The following TNN variants were observed in gnomAD, a reference collection of about 807,000 sequenced individuals.
The protein encoded by TNN is tenascin-N.
Under a neutral mutation model 134.4 loss-of-function variants are expected in TNN, and 122 were observed. The observed-to-expected ratio is 0.91, with a 90% CI of 0.78 to 1.06. The LOEUF (loss-of-function observed/expected upper bound fraction) is 1.06, where lower values mean the gene tolerates loss of function less well. TNN is among the 50% of genes least tolerant of loss of function. TNN has a pLI of 0.00. For missense variants in TNN, 1,739 were observed against 1,699.4 expected (o/e 1.02, Z -0.41); for synonymous variants, 710 against 670.3 (o/e 1.06, Z -0.91).
In TNN at chr1:175,098,554, G is replaced by T; in HGVS notation, c.2078G>T (p.Gly693Val). 1 of 1,614,162 alleles carries T rather than the reference G, an allele frequency of 6.2e-7. No individual in the cohort carries two copies. Among genetic ancestry groups the T allele is most frequent in the South Asian group, 1.1e-5 (1 of 91,072 alleles). The change falls in exon 9 of 19, where the codon GGG becomes GTG. Residue 693 changes from glycine (G) to valine (V), a missense_variant. Transcript: ENST00000239462. ...ATGGTGCACGTGTGGGCCCAGAAGGGGGACCAGGAGAGCAAGAAGGCCGAC... is the reference window on the plus strand; with the variant it reads ...ATGGTGCACGTGTGGGCCCAGAAGGTGGACCAGGAGAGCAAGAAGGCCGAC... ...EYMVHVWAQK[G>V]DQESKKADTK... is the part of the protein sequence containing the mutation.
Position 175,125,676 on chromosome 1 carries a change from TC to T in TNN, c.2915-1276del, listed in dbSNP as rs1478824276. ...TTCCTTCCTTCCTTCTCTCCCTCCC[TC>T]CCTCCTTTCTTTCTCTCTTTTTTCT... On this transcript the variant is annotated intron_variant, in intron 12 of 18. Coordinates refer to ENST00000239462, the MANE Select transcript of TNN (RefSeq NM_022093.2). Among the ~76,000 whole-genome samples the T allele has an allele frequency of 2.5e-4, 28 of 110,980 alleles. No homozygotes were observed. The East Asian group carries it at 2.8e-3, about 11-fold the overall frequency. The allele number at this position is 110,980 out of a possible 152,430, so 72.8% of individuals were successfully genotyped here.
intron 9 of TNN, among the ~76,000 whole-genome samples, chr1:175,099,668 G>A (rs575941359): frequency 3.3e-5 from 5 of 151,768 alleles, no homozygotes; most frequent in African/African-American, 1.2e-4. Context: ...AGGAGGAAGC[G>A]AAGTGAAGGG....
intron 5 of TNN, among the ~76,000 whole-genome samples, chr1:175,084,747 T>C (rs1029367555): frequency 1.3e-5 from 2 of 152,224 alleles, no homozygotes; most frequent in African/African-American, 4.8e-5. Flanking sequence ...CACAAGCTTC[T>C]GTTTGTCTGC....
intron 6 of TNN, among the ~76,000 whole-genome samples, chr1:175,087,902 A>T (rs1252397614): frequency 2.0e-5 from 3 of 152,186 alleles, no homozygotes; most frequent in African/African-American, 4.8e-5. Context: ...GAACGCAGGG[A>T]AACACTTTAC....
chr1:175,094,325 C>A, intron 7 of TNN, 72 bp downstream of exon 7: 1 of 1,412,446 alleles, frequency 7.1e-7, no homozygotes, highest in South Asian at 1.7e-5. Flanking sequence ...ATCAGGAGGT[C>A]ATTGCTCACC....
chr1:175,116,337 T>C (rs1675165366), intron 9 of TNN, among the ~76,000 whole-genome samples: 1 of 152,216 alleles, frequency 6.6e-6, no homozygotes, highest in Non-Finnish European at 1.5e-5. Context: ...ACTTTAACAT[T>C]TTCAAAGCCC....
At chr1:175,086,509 T>C (rs1170489666) in intron 6 of TNN, among the ~76,000 whole-genome samples, 1 of 152,216 alleles carries the variant, frequency 6.6e-6, no homozygotes, top group Admixed American at 6.5e-5. Flanking sequence ...TAGAACATAG[T>C]GCCATTCGGG....
chr1:175,118,572 C>A lies in TNN; in HGVS notation c.2398C>A (p.Pro800Thr). The A allele has an allele frequency of 6.2e-7, 1 of 1,613,778 alleles. No individual in the cohort carries two copies. Among genetic ancestry groups the A allele is most frequent in the Non-Finnish European group, 8.5e-7 (1 of 1,179,880 alleles). The change falls in exon 11 of 19, where the codon CCC becomes ACC. Residue 800 changes from proline (P) to threonine (T), a missense_variant. By Grantham distance (38) the Pro-to-Thr change is conservative. Transcript: ENST00000239462. Reference protein sequence around the residue: ...DTKAQTDIDSPQNLVTDWVTE... With the variant: ...DTKAQTDIDSTQNLVTDWVTE... ...ATTTTTTTTTTCAGACATTGACAGC[C>A]CCCAAAACCTGGTCACTGACTGGGT...
intron 6 of TNN, among the ~76,000 whole-genome samples, chr1:175,093,141 C>T (rs1447175392): frequency 6.6e-6 from 1 of 152,244 alleles, no homozygotes; most frequent in African/African-American, 2.4e-5. Flanking sequence ...CATCCATAGT[C>T]CACTGTCCCT....
chr1:175,104,665 G>A (rs1349562868), intron 9 of TNN, among the ~76,000 whole-genome samples: 1 of 145,312 alleles, frequency 6.9e-6, no homozygotes, highest in African/African-American at 2.5e-5. Flanking sequence ...AGAACACCAA[G>A]GTTGCCAGGT....
At chr1:175,099,465 T>G (rs1674661447) in intron 9 of TNN, among the ~76,000 whole-genome samples, 2 of 138,072 alleles carry the variant, frequency 1.4e-5, no homozygotes, top group East Asian at 2.1e-4. Flanking sequence ...GGAGGAAAGG[T>G]GAGGGGTCAG....
In TNN at chr1:175,127,080, G is replaced by A. The variant is rs1675547937; in HGVS notation, c.3040G>A (p.Val1014Ile). Residue 1014 changes from valine to isoleucine, a missense_variant, in exon 13 of 19, where the codon GTT (valine) becomes ATT (isoleucine). Coordinates refer to ENST00000239462, the MANE Select transcript of TNN (RefSeq NM_022093.2). ...GACTTACCAGTTCCCAGATGGCACA[G>A]TTAAGGTACGGGGATTCCTTGTCTT... is the stretch of plus-strand genomic sequence containing the variant. ...ILTYQFPDGT[V>I]KEMQLGREDQ... 6.2e-7 allele frequency: 1 copy of A among 1,613,478 alleles called. No homozygotes were observed. The highest frequency in any genetic ancestry group is 8.5e-7 in the Non-Finnish European group (1 of 1,179,838).
chr1:175,115,572 G>A (rs1429205832), intron 9 of TNN, among the ~76,000 whole-genome samples: 1 of 152,162 alleles, frequency 6.6e-6, no homozygotes, highest in Non-Finnish European at 1.5e-5. Flanking sequence ...AGGTCACTGG[G>A]TGGTGGTGTC....
intron 11 of TNN, among the ~76,000 whole-genome samples, chr1:175,121,177 C>T (rs538736349): frequency 1.6e-4 from 24 of 152,338 alleles, no homozygotes; most frequent in East Asian, 5.8e-4. Context: ...CTAATGGCTA[C>T]GGTATCGGAC....
rs993298022 is a variant in TNN, at chr1:175,116,848, C to T, written c.2120-91C>T. 43 of 1,561,684 alleles carry T rather than the reference C, an allele frequency of 2.8e-5. 1 individual carries two copies. The highest frequency in any genetic ancestry group is 1.7e-4 in the Middle Eastern group (1 of 5,894). ...ATATGATATGGAGAAACCATAAGAA[C>T]AGGAAACTGCCTTACCACAAGTAAA... On this transcript the variant is annotated intron_variant, in intron 9 of 18. Transcript: ENST00000239462.
chr1:175,103,957 A>G (rs1043793090), intron 9 of TNN, among the ~76,000 whole-genome samples: 2 of 145,582 alleles, frequency 1.4e-5, no homozygotes, highest in Admixed American at 1.4e-4. Flanking sequence ...CCCAGACTTC[A>G]GTGTTGATTC....
intron 11 of TNN, among the ~76,000 whole-genome samples, chr1:175,121,621 C>T (rs1208832219): frequency 6.6e-6 from 1 of 152,084 alleles, no homozygotes; most frequent in Non-Finnish European, 1.5e-5. Context: ...AGTCTGGGTG[C>T]AAAATGCTGC....
intron 6 of TNN, among the ~76,000 whole-genome samples, chr1:175,088,589 A>T (rs2149430067): frequency 6.6e-6 from 1 of 152,222 alleles, no homozygotes; most frequent in South Asian, 2.1e-4. Flanking sequence ...TATTCTCATT[A>T]CTTCCCCAGG....
chr1:175,077,008 A>T (rs1315171852), intron 1 of TNN, among the ~76,000 whole-genome samples: 1 of 152,188 alleles, frequency 6.6e-6, no homozygotes, highest in Non-Finnish European at 1.5e-5. Context: ...CATATTGTTG[A>T]TGTTGTTAAA....
Sources: gnomAD v4.1 joint callset for allele counts (sites outside exome capture counted in the v4.1 genomes callset) on GRCh38, gnomAD v4.1.1 for gene constraint, MANE v1.5 for transcripts, NCBI Gene and HGNC (gene_info 2026-07-23, HGNC 2026-07-21) for gene names.